MRPS27: variants seen among roughly 807,000 people sequenced by gnomAD.
MRPS27 encodes the protein mitochondrial ribosomal protein S27, also known as small ribosomal subunit protein mS27.
In MRPS27, 43 loss-of-function variants were observed where a neutral mutation model predicts 48.9. The ratio of observed to expected loss-of-function variants is 0.88; its 90% CI spans 0.69 to 1.13. The LOEUF is 1.13. Among genes scored for constraint, MRPS27 ranks in the 50% most tolerant of loss-of-function variants. The probability of loss-of-function intolerance (pLI) is 0.00; values close to 1 mark genes in which losing one functional copy is unlikely to be tolerated. For missense variants in MRPS27, 467 were observed against 476.3 expected (o/e 0.98, Z 0.18); for synonymous variants, 188 against 171.9 (o/e 1.09, Z -0.73).
intron 4 of MRPS27, among the ~76,000 whole-genome samples, chr5:72,248,387 C>A (rs1253572704): frequency 6.6e-6 from 1 of 152,142 alleles, no homozygotes; most frequent in Non-Finnish European, 1.5e-5. Flanking sequence ...CCGGGTTCAT[C>A]TGTTCTGGCT....
At chr5:72,305,246 C>T (rs1750229093) in intron 2 of MRPS27, among the ~76,000 whole-genome samples, 1 of 152,156 alleles carries the variant, frequency 6.6e-6, no homozygotes, top group African/African-American at 2.4e-5. Context: ...ATCTCTAGAA[C>T]TTGGCAAATA....
intron 1 of MRPS27, among the ~76,000 whole-genome samples, chr5:72,315,904 G>A (rs1750552956): frequency 6.6e-6 from 1 of 152,146 alleles, no homozygotes; most frequent in Admixed American, 6.5e-5. Flanking sequence ...GAAAACTTGT[G>A]TCCACAGAAA....
At chr5:72,277,431 C>T (rs570286531) in intron 4 of MRPS27, among the ~76,000 whole-genome samples, 18 of 152,058 alleles carry the variant, frequency 1.2e-4, no homozygotes, top group African/African-American at 4.3e-4. Flanking sequence ...TGGTGAAACC[C>T]CGTCTCTACT....
At chr5:72,302,104 A>G (rs4472249) in intron 2 of MRPS27, among the ~76,000 whole-genome samples, 12,862 of 152,342 alleles carry the variant, frequency 0.084, 736 homozygotes, top group East Asian at 0.13. Flanking sequence ...TCTTCATTTA[A>G]CAAAACTTGA....
rs187080794 is a variant in MRPS27, at chr5:72,266,730, C to T, written c.282-28602G>A. Among the ~76,000 whole-genome samples, 569 of 152,098 alleles carry T rather than the reference C, an allele frequency of 3.7e-3. 1 individual carries two copies. Among genetic ancestry groups the T allele is most frequent in the African/African-American group, 0.013 (550 of 41,484 alleles). On this transcript the variant is annotated intron_variant, in intron 4 of 10. Transcript: ENST00000261413. The stretch of plus-strand genomic sequence containing the variant: ...AAAAAATTAGCTGGGTGTGGTGGCA[C>T]GTGCCTGTAGTCACAGCTACTCGGG...
At chr5:72,273,819 GCTACA>G (rs1749307316) in intron 4 of MRPS27, among the ~76,000 whole-genome samples, 2 of 152,212 alleles carry the variant, frequency 1.3e-5, no homozygotes, top group African/African-American at 4.8e-5. Context: ...CAACGTTTAG[GCTACA>G]CTAAATTTAT....
intron 6 of MRPS27, among the ~76,000 whole-genome samples, 189 bp from the exon 7 acceptor site, chr5:72,232,747 G>T (rs542662063): frequency 2.0e-5 from 3 of 152,272 alleles, no homozygotes; most frequent in African/African-American, 7.2e-5. Context: ...TCAGCCTTTA[G>T]CTTCTATTTT....
chr5:72,285,081 A>G (rs899030943), intron 4 of MRPS27, among the ~76,000 whole-genome samples: 3 of 152,280 alleles, frequency 2.0e-5, no homozygotes, highest in South Asian at 2.1e-4. Flanking sequence ...TCCACTAGCA[A>G]TGTATGATAA....
intron 4 of MRPS27, among the ~76,000 whole-genome samples, chr5:72,240,255 GA>G (rs1748312736): frequency 6.6e-6 from 1 of 152,152 alleles, no homozygotes; most frequent in African/African-American, 2.4e-5. Context: ...AGGGCATTTA[GA>G]GTCTCATTAC....
intron 2 of MRPS27, among the ~76,000 whole-genome samples, chr5:72,307,411 G>T (rs1215655386): frequency 6.6e-6 from 1 of 152,118 alleles, no homozygotes; most frequent in East Asian, 1.9e-4. Flanking sequence ...TGGATATTTC[G>T]TGATATTTAC....
intron 7 of MRPS27, 78 bp downstream of exon 7, chr5:72,232,365 C>T (rs1748085823): frequency 1.9e-6 from 2 of 1,065,690 alleles, no homozygotes; most frequent in Non-Finnish European, 2.7e-6. Flanking sequence ...CTGCAGACAC[C>T]TTTTTCCAGC....
intron 4 of MRPS27, among the ~76,000 whole-genome samples, chr5:72,279,836 T>C: frequency 6.6e-6 from 1 of 152,212 alleles, no homozygotes; most frequent in Non-Finnish European, 1.5e-5. Context: ...CTCCTATATT[T>C]CCTTCTAAAA....
At chr5:72,232,861 T>C (rs953591068) in intron 6 of MRPS27, among the ~76,000 whole-genome samples, 1 of 152,226 alleles carries the variant, frequency 6.6e-6, no homozygotes, top group South Asian at 2.1e-4. Flanking sequence ...GTCATAATGA[T>C]AAAATACTAT....
At chr5:72,222,883 T>G (rs1747786175) in intron 10 of MRPS27, among the ~76,000 whole-genome samples, 1 of 152,244 alleles carries the variant, frequency 6.6e-6, no homozygotes, top group Non-Finnish European at 1.5e-5. Context: ...TAGGTTCTAA[T>G]TACTGAAAAT....
rs146163537 is a variant in MRPS27, at chr5:72,232,867, A to G, written c.476-309T>C. On this transcript the variant is annotated intron_variant, in intron 6 of 10. Transcript: ENST00000261413. ...AGTATCATCGTCATAATGATAAAAT[A>G]CTATTTGCTTCACCTACTTCAAGAG... 2.7e-3 allele frequency among the ~76,000 whole-genome samples: 405 copies of G among 152,314 alleles called. 1 individual carries two copies. Among genetic ancestry groups the G allele is most frequent in the Non-Finnish European group, 4.3e-3 (292 of 68,018 alleles).
chr5:72,228,072 G>A (rs539074042), intron 8 of MRPS27, 194 bp downstream of exon 8: 336 of 567,824 alleles, frequency 5.9e-4, no homozygotes, highest in Non-Finnish European at 9.3e-4. Context: ...GCCAGTGATG[G>A]CAGGTTTTAA....
At chr5:72,293,663 A>G (rs1171236968) in intron 4 of MRPS27, among the ~76,000 whole-genome samples, 1 of 152,214 alleles carries the variant, frequency 6.6e-6, no homozygotes, top group Admixed American at 6.5e-5. Flanking sequence ...GCCTGCGCAC[A>G]TAATAGGTGC....
At chr5:72,235,421 G>A (rs1322350485) in intron 5 of MRPS27, among the ~76,000 whole-genome samples, 1 of 152,094 alleles carries the variant, frequency 6.6e-6, no homozygotes, top group African/African-American at 2.4e-5. Flanking sequence ...TACTACAATG[G>A]TGGATACATG....
At chr5:72,299,771 C>T (rs1377942579) in intron 2 of MRPS27, among the ~76,000 whole-genome samples, 1 of 152,232 alleles carries the variant, frequency 6.6e-6, no homozygotes, top group African/African-American at 2.4e-5. Flanking sequence ...ATGTTTACTT[C>T]ACATCTTGTC....
Sources: allele counts gnomAD v4.1 joint callset (sites outside exome capture counted in the v4.1 genomes callset), GRCh38; gene constraint gnomAD v4.1.1; transcripts MANE v1.5; gene names NCBI Gene and HGNC (gene_info 2026-07-23, HGNC 2026-07-21).